EEFSEC: variants seen among roughly 807,000 people sequenced by gnomAD.
EEFSEC encodes eukaryotic elongation factor, selenocysteine-tRNA specific.
EEFSEC carries 43 observed loss-of-function variants against 42.1 expected under a neutral mutation model. The ratio of observed to expected loss-of-function variants is 1.02; its 90% CI spans 0.80 to 1.32. The LOEUF (loss-of-function observed/expected upper bound fraction) is 1.32, where lower values mean the gene tolerates loss of function less well. Among genes scored for constraint, EEFSEC ranks in the 40% most tolerant of loss-of-function variants. The pLI is 0.00. For synonymous variants in EEFSEC, 354 were observed against 339.1 expected, an observed-to-expected ratio of 1.04 and a Z score of -0.48; for missense variants, 745 against 803.6, an observed-to-expected ratio of 0.93 and a Z score of 0.88.
At chr3:128,278,507 C>T (rs2066491093) in intron 4 of EEFSEC, among the ~76,000 whole-genome samples, 2 of 152,158 alleles carry the variant, frequency 1.3e-5, no homozygotes, top group Non-Finnish European at 2.9e-5. Context: ...GGGGAACCCA[C>T]TTGGAAAGGT....
chr3:128,272,594 C>T (rs1159729903), intron 4 of EEFSEC, among the ~76,000 whole-genome samples: 1 of 152,204 alleles, frequency 6.6e-6, no homozygotes, highest in African/African-American at 2.4e-5. Flanking sequence ...TGTCTCCACA[C>T]GGTTCCAGTC....
At chr3:128,414,554 C>T in the EEFSEC span, among the ~76,000 whole-genome samples, 1 of 152,208 alleles carries the variant, frequency 6.6e-6, no homozygotes, top group Non-Finnish European at 1.5e-5. Flanking sequence ...TTCCCCATCC[C>T]TTCCCGGTTA....
At chr3:128,271,578 G>A (rs909985119) in intron 4 of EEFSEC, among the ~76,000 whole-genome samples, 2 of 152,188 alleles carry the variant, frequency 1.3e-5, no homozygotes, top group African/African-American at 4.8e-5. Context: ...GGCAGAGAAG[G>A]AAACCAGGAA....
intron 1 of EEFSEC, among the ~76,000 whole-genome samples, chr3:128,245,431 ATGCTGC>A (rs1303398921): frequency 3.9e-5 from 6 of 152,170 alleles, no homozygotes; most frequent in Non-Finnish European, 7.4e-5. Context: ...GGCAGAGGAG[ATGCTGC>A]TGCTGCTGCT....
At position 128,325,850 on chromosome 3, in the gene EEFSEC, C is replaced by T. The variant is rs186521751; in HGVS notation, c.787-15383C>T. 1.3e-3 allele frequency among the ~76,000 whole-genome samples: 204 copies of T among 152,296 alleles called. 2 individuals are homozygous for T. Among genetic ancestry groups the T allele is most frequent in the Non-Finnish European group, 1.1e-3 (72 of 68,034 alleles). On this transcript the variant is annotated intron_variant, in intron 4 of 6. Coordinates refer to ENST00000254730, the MANE Select transcript of EEFSEC (RefSeq NM_021937.5). ...ATTTTATTATGTAACACCTTGCCTGCTGTTTTATTTAGCCATTCCTCTATT... is the reference window on the plus strand; with the variant it reads ...ATTTTATTATGTAACACCTTGCCTGTTGTTTTATTTAGCCATTCCTCTATT...
chr3:128,279,683 G>A (rs2066505602), intron 4 of EEFSEC, among the ~76,000 whole-genome samples: 1 of 152,206 alleles, frequency 6.6e-6, no homozygotes, highest in African/African-American at 2.4e-5. Context: ...GTAGGAGCCA[G>A]GGTCCAGGAT....
At position 128,408,061 on chromosome 3, in the gene EEFSEC, C is replaced by T; in HGVS notation, c.1601-8C>T. 2 of 1,544,482 alleles carry T rather than the reference C, an allele frequency of 1.3e-6. No individual in the cohort carries two copies. The highest frequency in any genetic ancestry group is 1.4e-5 in the African/African-American group (1 of 72,890). ...GCAGAGTGACAGGCTCTCTTCTGTGCCTTGCAGGTGGCCTCAGCCCCGAGT... is the reference window on the plus strand; with the variant it reads ...GCAGAGTGACAGGCTCTCTTCTGTGTCTTGCAGGTGGCCTCAGCCCCGAGT... On this transcript the variant is annotated splice_region_variant and splice_polypyrimidine_tract_variant and intron_variant, in intron 6 of 6. Coordinates refer to ENST00000254730, the MANE Select transcript of EEFSEC (RefSeq NM_021937.5).
At chr3:128,289,071 C>T (rs1051854917) in intron 4 of EEFSEC, among the ~76,000 whole-genome samples, 20 of 152,234 alleles carry the variant, frequency 1.3e-4, no homozygotes, top group Non-Finnish European at 2.6e-4. Flanking sequence ...CTTCCTCGCC[C>T]AGCATAGGGA....
At chr3:128,195,346 G>A (rs992312946) in intron 1 of EEFSEC, among the ~76,000 whole-genome samples, 4 of 152,156 alleles carry the variant, frequency 2.6e-5, no homozygotes, top group African/African-American at 9.7e-5. Context: ...CTCAATGTGG[G>A]TGATTAACAC....
intron 4 of EEFSEC, among the ~76,000 whole-genome samples, chr3:128,311,785 C>T (rs553478921): frequency 1.1e-4 from 16 of 152,296 alleles, no homozygotes; most frequent in South Asian, 4.1e-4. Context: ...TTGCAAGGGA[C>T]GCCCTTTCCA....
At position 128,385,163 on chromosome 3, in the gene EEFSEC, T is replaced by G. The variant is rs77776385; in HGVS notation, c.1601-22906T>G. ...CCCCAGGCCACCCCAAGGTGTAGCATGCAGTCTGGACACCTCCAGGCTCTC... is the reference window on the plus strand; with the variant it reads ...CCCCAGGCCACCCCAAGGTGTAGCAGGCAGTCTGGACACCTCCAGGCTCTC... On this transcript the variant is annotated intron_variant, in intron 6 of 6. Coordinates refer to ENST00000254730, the MANE Select transcript of EEFSEC (RefSeq NM_021937.5). Among the ~76,000 whole-genome samples the G allele has an allele frequency of 0.024, 3,672 of 152,238 alleles. 419 individuals carry two copies. In the East Asian group the frequency reaches 0.36, roughly 15 times the overall value.
intron 2 of EEFSEC, among the ~76,000 whole-genome samples, chr3:128,253,107 G>A (rs1400423417): frequency 6.6e-6 from 1 of 152,152 alleles, no homozygotes; most frequent in Non-Finnish European, 1.5e-5. Flanking sequence ...TCTGGGAAAG[G>A]GCCAGACACC....
At chr3:128,265,160 C>G (rs537855699) in intron 4 of EEFSEC, among the ~76,000 whole-genome samples, 32 of 144,736 alleles carry the variant, frequency 2.2e-4, no homozygotes, top group South Asian at 9.0e-4. Flanking sequence ...GGACGCTGTA[C>G]GTCAGGGTGG....
At chr3:128,293,380 T>A (rs1000053588) in intron 4 of EEFSEC, among the ~76,000 whole-genome samples, 1 of 152,156 alleles carries the variant, frequency 6.6e-6, no homozygotes, top group Non-Finnish European at 1.5e-5. Context: ...TCTCTCCTAG[T>A]AGATATTTAT....
At chr3:128,295,628 C>T (rs1253137676) in intron 4 of EEFSEC, among the ~76,000 whole-genome samples, 1 of 141,034 alleles carries the variant, frequency 7.1e-6, no homozygotes, top group Non-Finnish European at 1.5e-5. Flanking sequence ...TTCCTTGGGG[C>T]TGGAACTGTG....
intron 1 of EEFSEC, among the ~76,000 whole-genome samples, chr3:128,169,784 A>G (rs759097333): frequency 8.5e-5 from 13 of 152,212 alleles, no homozygotes; most frequent in Non-Finnish European, 1.5e-4. Flanking sequence ...CAGAGATACT[A>G]AGTATCTAAC....
chr3:128,168,200 G>A (rs1433791585), intron 1 of EEFSEC, among the ~76,000 whole-genome samples: 1 of 152,196 alleles, frequency 6.6e-6, no homozygotes, highest in Non-Finnish European at 1.5e-5. Context: ...TAATTGTTCT[G>A]CAAATAGTCT....
In EEFSEC at chr3:128,393,599, G is replaced by T. The variant is rs534000553; in HGVS notation, c.1601-14470G>T. ...CAGCCCCCACCCAGCCACAATGCAG[G>T]ATCTGAGCCTGTGGCCACTAAGAGA... On this transcript the variant is annotated intron_variant, in intron 6 of 6. Coordinates refer to ENST00000254730, the MANE Select transcript of EEFSEC (RefSeq NM_021937.5). 2.1e-4 allele frequency among the ~76,000 whole-genome samples: 32 copies of T among 152,340 alleles called. No individual in the cohort carries two copies. The East Asian group carries it at 6.2e-3, about 29-fold the overall frequency.
intron 4 of EEFSEC, among the ~76,000 whole-genome samples, chr3:128,294,114 A>G (rs1317543191): frequency 6.6e-6 from 1 of 152,134 alleles, no homozygotes. Flanking sequence ...ACTTCTGTAG[A>G]CTGGCATGCT....
Sources: gnomAD v4.1 joint callset for allele counts (sites outside exome capture counted in the v4.1 genomes callset) on GRCh38, gnomAD v4.1.1 for gene constraint, MANE v1.5 for transcripts, NCBI Gene and HGNC (gene_info 2026-07-23, HGNC 2026-07-21) for gene names.